The following UGT2A3 variants were observed in gnomAD, a reference collection of about 807,000 sequenced individuals.
UGT2A3 encodes the protein UDP-glucuronosyltransferase 2A3.
A neutral mutation model predicts 44.1 loss-of-function variants in UGT2A3; 55 were observed. That is an observed-to-expected ratio of 1.25 (90% confidence interval 1.00 to 1.56). The LOEUF (loss-of-function observed/expected upper bound fraction) is 1.56. UGT2A3 is among the 40% of genes most tolerant of loss of function. UGT2A3 has a pLI of 0.00. For synonymous variants in UGT2A3, 243 were observed against 215.1 expected (o/e 1.13, Z -1.13); for missense variants, 733 against 621.6 (o/e 1.18, Z -1.91).
intron 3 of UGT2A3, 35 bp from the exon 4 acceptor site, chr4:68,931,277 C>A: frequency 1.3e-6 from 2 of 1,493,648 alleles, no homozygotes; most frequent in Non-Finnish European, 1.9e-6. Flanking sequence ...ACAGAGTGAA[C>A]CACAGGATAT....
intron 1 of UGT2A3, among the ~76,000 whole-genome samples, chr4:68,947,035 T>C (rs1484672404): frequency 6.6e-6 from 1 of 151,826 alleles, no homozygotes; most frequent in East Asian, 2.0e-4. Flanking sequence ...TTACTGTTGA[T>C]TGATCAGGGC....
Position 68,930,746 on chromosome 4 carries a change from A to C in UGT2A3, c.1104T>G (p.Ala368=). The C allele has an allele frequency of 6.2e-7, 1 of 1,600,454 alleles. No individual in the cohort carries two copies. ...NDLLGHPKTK[A]FITHGGMNGI... ...CATTCATTCCACCATGAGTGATAAA[A>C]GCTTTGGTTTTGGGATGACCTAGTA... is the stretch of plus-strand genomic sequence containing the variant. The change falls in exon 5 of 6, where the codon GCT becomes GCG. Residue 368 remains alanine (A), a synonymous_variant. Transcript: ENST00000251566.
chr4:68,936,460 TA>T (rs906106509), intron 2 of UGT2A3, among the ~76,000 whole-genome samples: 1 of 152,026 alleles, frequency 6.6e-6, no homozygotes, highest in African/African-American at 2.4e-5. Flanking sequence ...GCAGCCAAAT[TA>T]AGTTTCATAA....
Position 68,931,175 on chromosome 4 carries a change from A to T in UGT2A3, c.1064T>A (p.Ile355Lys), listed in dbSNP as rs780768613. ...CCTACCAAGAAGATCATTCTGGGGT[A>T]TCCAATCATACAGCCGAGTATTGGC... Reference protein sequence around the residue: ...LGANTRLYDWIPQNDLLGHPK... With the variant: ...LGANTRLYDWKPQNDLLGHPK... The change falls in exon 4 of 6, where the codon ATA becomes AAA. Residue 355 changes from isoleucine (I) to lysine (K), a missense_variant. Ile to Lys is a moderately radical substitution (Grantham distance 102). Coordinates refer to ENST00000251566, the MANE Select transcript of UGT2A3 (RefSeq NM_024743.4). The T allele has an allele frequency of 6.2e-7, 1 of 1,612,846 alleles. No homozygotes were observed. Among genetic ancestry groups the T allele is most frequent in the African/African-American group, 1.3e-5 (1 of 74,860 alleles).
chr4:68,932,555 T>C (rs1406723431), intron 3 of UGT2A3, 73 bp downstream of exon 3: 1 of 1,521,490 alleles, frequency 6.6e-7, no homozygotes, highest in South Asian at 1.3e-5. Context: ...GAAAATGAGA[T>C]TCAAGACCCA....
At chr4:68,949,060 T>C (rs376950508) in intron 1 of UGT2A3, among the ~76,000 whole-genome samples, 23 of 151,862 alleles carry the variant, frequency 1.5e-4, no homozygotes, top group African/African-American at 5.5e-4. Context: ...TGGGACCTAA[T>C]AGAGTGAGAA....
At chr4:68,944,795 G>T (rs1283516550) in intron 2 of UGT2A3, among the ~76,000 whole-genome samples, 1 of 151,712 alleles carries the variant, frequency 6.6e-6, no homozygotes, top group East Asian at 1.9e-4. Context: ...GCACTTATTT[G>T]AGTAAAAGTC....
At chr4:68,941,546 G>A (rs1365523858) in intron 2 of UGT2A3, among the ~76,000 whole-genome samples, 1 of 151,926 alleles carries the variant, frequency 6.6e-6, no homozygotes, top group Non-Finnish European at 1.5e-5. Flanking sequence ...AGAAGAAACT[G>A]TAGGAGGAAT....
At chr4:68,944,624 G>C (rs762198615) in intron 2 of UGT2A3, among the ~76,000 whole-genome samples, 5 of 151,646 alleles carry the variant, frequency 3.3e-5, no homozygotes, top group Non-Finnish European at 7.4e-5. Flanking sequence ...GCTCTACTTT[G>C]TCCTGATAAC....
intron 2 of UGT2A3, 93 bp downstream of exon 2, chr4:68,945,213 A>G: frequency 6.8e-7 from 1 of 1,461,682 alleles, no homozygotes; most frequent in Non-Finnish European, 9.4e-7. Flanking sequence ...GAAGACATTC[A>G]ACATCATCCT....
At chr4:68,930,462 C>T in intron 5 of UGT2A3, 84 bp downstream of exon 5, 1 of 1,275,668 alleles carries the variant, frequency 7.8e-7, no homozygotes. Flanking sequence ...CTCAACATGT[C>T]TACCAGGATG....
intron 1 of UGT2A3, 140 bp downstream of exon 1, chr4:68,950,906 C>T: frequency 5.2e-6 from 3 of 575,904 alleles, no homozygotes; most frequent in African/African-American, 1.9e-5. Flanking sequence ...AGAACAAATA[C>T]ACTTTCTTTA....
chr4:68,951,004 T>G (rs760390701), intron 1 of UGT2A3, 42 bp downstream of exon 1: 9 of 1,360,508 alleles, frequency 6.6e-6, no homozygotes, highest in Admixed American at 5.2e-5. Context: ...TAAAAATATT[T>G]CTTTTGATAA....
At chr4:68,941,532 T>A (rs1021283542) in intron 2 of UGT2A3, among the ~76,000 whole-genome samples, 1 of 151,934 alleles carries the variant, frequency 6.6e-6, no homozygotes, top group African/African-American at 2.4e-5. Flanking sequence ...ATTATACAAC[T>A]ACTAGAAGAA....
intron 2 of UGT2A3, among the ~76,000 whole-genome samples, 167 bp from the exon 3 acceptor site, chr4:68,932,926 T>A (rs1452380154): frequency 6.6e-6 from 1 of 152,072 alleles, no homozygotes; most frequent in Non-Finnish European, 1.5e-5. Flanking sequence ...AAGGACAGTC[T>A]ATGTATAAAA....
At position 68,931,196 on chromosome 4, in the gene UGT2A3, T is replaced by C; in HGVS notation, c.1043A>G (p.Asn348Ser). The change falls in exon 4 of 6, where the codon AAT becomes AGT. Residue 348 changes from asparagine to serine, a missense_variant. Asn to Ser is a conservative substitution (Grantham distance 46). Transcript: ENST00000251566. ...GGGTATCCAATCATACAGCCGAGTA[T>C]TGGCTCCTAATGTGGATGGTTTTTT... Reference protein sequence around the residue: ...KGKKPSTLGANTRLYDWIPQN... With the variant: ...KGKKPSTLGASTRLYDWIPQN... 6.2e-7 allele frequency: 1 copy of C among 1,613,122 alleles called. No homozygotes were observed. The highest frequency in any genetic ancestry group is 8.5e-7 in the Non-Finnish European group (1 of 1,179,414).
Position 68,929,949 on chromosome 4 carries a change from C to A in UGT2A3, c.1448G>T (p.Trp483Leu). 2 of 1,613,624 alleles carry A rather than the reference C, an allele frequency of 1.2e-6. No individual in the cohort carries two copies. The highest frequency in any genetic ancestry group is 1.7e-6 in the Non-Finnish European group (2 of 1,179,670). The stretch of plus-strand genomic sequence containing the variant: ...CACATCTATAGAGTAGTGCTGGAAC[C>A]AGGTGAGGTCATGGGCAGCTGATCG... ...HLRSAAHDLT[W>L]FQHYSIDVIG... is the part of the protein sequence containing the mutation. Residue 483 changes from tryptophan to leucine, a missense_variant, in exon 6 of 6, where the codon TGG (tryptophan) becomes TTG (leucine). Coordinates refer to ENST00000251566, the MANE Select transcript of UGT2A3 (RefSeq NM_024743.4).
rs1289092757 is a variant in UGT2A3 at position 68,931,136 on chromosome 4, T to C, written c.1084+19A>G. The stretch of plus-strand genomic sequence containing the variant: ...TTTTTCCTCGTCTAGTTCATATTTT[T>C]ACTTTCTCATAGACCTACCAAGAAG... On this transcript the variant is annotated intron_variant, in intron 4 of 5. Coordinates refer to ENST00000251566, the MANE Select transcript of UGT2A3 (RefSeq NM_024743.4). 6.3e-6 allele frequency: 10 copies of C among 1,585,334 alleles called. No homozygotes were observed. Among genetic ancestry groups the C allele is most frequent in the Non-Finnish European group, 8.6e-6 (10 of 1,164,454 alleles).
At chr4:68,940,974 G>C (rs1718165621) in intron 2 of UGT2A3, among the ~76,000 whole-genome samples, 1 of 151,430 alleles carries the variant, frequency 6.6e-6, no homozygotes, top group African/African-American at 2.4e-5. Context: ...CCAATATTGG[G>C]GGTAGAATCT....
Sources: gnomAD v4.1 joint callset for allele counts (sites outside exome capture counted in the v4.1 genomes callset) on GRCh38, gnomAD v4.1.1 for gene constraint, MANE v1.5 for transcripts, NCBI Gene and HGNC (gene_info 2026-07-23, HGNC 2026-07-21) for gene names.